ASZ1: variants seen among roughly 807,000 people sequenced by gnomAD.
ASZ1 encodes ankyrin repeat, SAM and basic leucine zipper domain containing 1.
ASZ1 carries 67 observed loss-of-function variants against 61.8 expected under a neutral mutation model. The ratio of observed to expected loss-of-function variants is 1.08; its 90% CI spans 0.89 to 1.33. ASZ1 has a LOEUF of 1.33. Ranked by LOEUF, ASZ1 falls within the 40% of genes most tolerant of loss-of-function variation. The pLI is 0.00. For missense variants in ASZ1, 577 were observed against 554.5 expected (o/e 1.04, Z -0.41); for synonymous variants, 193 against 192.7 (o/e 1.00, Z -0.01).
At chr7:117,380,069 G>A (rs750260417) in intron 9 of ASZ1, 22 bp from the exon 10 acceptor site, 2 of 1,449,784 alleles carry the variant, frequency 1.4e-6, no homozygotes, top group African/African-American at 2.8e-5. Context: ...TAATTTTAAG[G>A]TACAGTAAGT....
chr7:117,385,559 C>T, intron 5 of ASZ1, 139 bp downstream of exon 5: 1 of 711,542 alleles, frequency 1.4e-6, no homozygotes. Context: ...CCATACCCTT[C>T]TATTTCAACT....
At chr7:117,367,731 C>A (rs534381926) in intron 11 of ASZ1, 3 of 946,814 alleles carry the variant, frequency 3.2e-6, no homozygotes, top group South Asian at 1.0e-4. Context: ...ATGAACAAAT[C>A]AGTTCATGAA....
intron 4 of ASZ1, among the ~76,000 whole-genome samples, chr7:117,414,560 G>T (rs1796953079): frequency 6.6e-6 from 1 of 152,006 alleles, no homozygotes; most frequent in Non-Finnish European, 1.5e-5. Context: ...TGGTATACAC[G>T]TGCCATGGTG....
intron 4 of ASZ1, among the ~76,000 whole-genome samples, chr7:117,391,741 T>C (rs192286116): frequency 6.6e-6 from 1 of 152,278 alleles, no homozygotes; most frequent in Non-Finnish European, 1.5e-5. Context: ...TCAAGCTTTG[T>C]TCTTTTTGCT....
chr7:117,405,116 C>A (rs567220024), intron 4 of ASZ1, among the ~76,000 whole-genome samples: 7 of 152,116 alleles, frequency 4.6e-5, no homozygotes, highest in Non-Finnish European at 7.4e-5. Context: ...ATGGGAACCT[C>A]TATGGACTCA....
Position 117,383,071 on chromosome 7 carries a change from C to G in ASZ1, c.727G>C (p.Gly243Arg), listed in dbSNP as rs901683870. The G allele has an allele frequency of 1.3e-6, 2 of 1,578,322 alleles. No homozygotes were observed. The highest frequency in any genetic ancestry group is 2.7e-5 in the African/African-American group (2 of 72,980). Reference sequence around the variant, plus strand: ...TCTTTAGTTAGCTGTTGAAGTTTTCCTTCCAATGGATTTAAAGTAAAAGAA... The same window carrying G: ...TCTTTAGTTAGCTGTTGAAGTTTTCGTTCCAATGGATTTAAAGTAAAAGAA... ...LLSFTLNPLE[G>R]KLQQLTKEDT... is the part of the protein sequence containing the mutation. The change falls in exon 7 of 13, where the codon GGA becomes CGA. Residue 243 changes from glycine to arginine, a missense_variant. Physicochemically the swap from Gly to Arg is moderately radical, Grantham distance 125. Transcript: ENST00000284629.
At chr7:117,425,832 T>C (rs888932352) in intron 2 of ASZ1, among the ~76,000 whole-genome samples, 5 of 151,554 alleles carry the variant, frequency 3.3e-5, no homozygotes, top group African/African-American at 7.3e-5. Flanking sequence ...TCTACTAAAA[T>C]TACCAAAATT....
At chr7:117,419,818 T>C (rs983185727) in intron 4 of ASZ1, among the ~76,000 whole-genome samples, 1 of 152,208 alleles carries the variant, frequency 6.6e-6, no homozygotes, top group Non-Finnish European at 1.5e-5. Flanking sequence ...GTTTAGTTGT[T>C]AAATGTTATA....
intron 4 of ASZ1, among the ~76,000 whole-genome samples, chr7:117,391,840 T>G (rs1796476115): frequency 6.6e-6 from 1 of 152,164 alleles, no homozygotes; most frequent in Non-Finnish European, 1.5e-5. Context: ...GTTGCCAGGC[T>G]GGAGTGCAGT....
intron 4 of ASZ1, among the ~76,000 whole-genome samples, chr7:117,406,526 G>A (rs1796785158): frequency 6.6e-6 from 1 of 152,148 alleles, no homozygotes; most frequent in Admixed American, 6.5e-5. Flanking sequence ...GGCCAAGGCA[G>A]GCAGATCACC....
At chr7:117,397,018 ATAAT>A (rs1187558276) in intron 4 of ASZ1, among the ~76,000 whole-genome samples, 2 of 151,576 alleles carry the variant, frequency 1.3e-5, no homozygotes, top group Non-Finnish European at 2.9e-5. Context: ...ATGTATTAAA[ATAAT>A]TAAATTAATT....
In ASZ1 at chr7:117,368,648, C is replaced by A. The variant is rs762171269; in HGVS notation, c.1125G>T (p.Gln375His). The change falls in exon 11 of 13, where the codon CAG (glutamine) becomes CAT (histidine). Residue 375 changes from glutamine (Q) to histidine (H), a missense_variant. Gln to His is a conservative substitution (Grantham distance 24). Coordinates refer to ENST00000284629, the MANE Select transcript of ASZ1 (RefSeq NM_130768.3). ...KQCGHLITAV[Q>H]NVITELPVNS... ...TTACAGGTAACTCAGTAATAACATT[C>A]TGTACAGCTGTTATTAAATGGCCAC... The A allele has an allele frequency of 2.5e-6, 4 of 1,612,534 alleles. No individual in the cohort carries two copies. Among genetic ancestry groups the A allele is most frequent in the East Asian group, 2.2e-5 (1 of 44,678 alleles).
intron 4 of ASZ1, among the ~76,000 whole-genome samples, chr7:117,401,819 G>C (rs1239264147): frequency 1.3e-5 from 2 of 152,024 alleles, no homozygotes; most frequent in Non-Finnish European, 2.9e-5. Context: ...TCTTCGGGTT[G>C]GCCACTCCCG....
intron 4 of ASZ1, among the ~76,000 whole-genome samples, chr7:117,409,718 A>AT (rs1796856722): frequency 6.6e-6 from 1 of 151,906 alleles, no homozygotes; most frequent in Non-Finnish European, 1.5e-5. Context: ...TAAAACACTC[A>AT]TATGAAAACA....
intron 12 of ASZ1, 48 bp from the exon 13 acceptor site, chr7:117,363,796 T>C: frequency 7.4e-7 from 1 of 1,357,860 alleles, no homozygotes; most frequent in Admixed American, 2.7e-5. Context: ...GTACAATACA[T>C]TAATAAAACA....
intron 12 of ASZ1, among the ~76,000 whole-genome samples, chr7:117,366,325 TTAATAC>T (rs1795935508): frequency 6.6e-6 from 1 of 152,180 alleles, no homozygotes; most frequent in African/African-American, 2.4e-5. Context: ...TGACAATTTA[TTAATAC>T]TTGGAACATG....
chr7:117,401,572 T>C (rs1489414920), intron 4 of ASZ1, among the ~76,000 whole-genome samples: 4 of 152,036 alleles, frequency 2.6e-5, no homozygotes, highest in Admixed American at 6.6e-5. Flanking sequence ...AAATGAGACA[T>C]AGAGTTTACT....
chr7:117,367,263 C>T, intron 12 of ASZ1, 89 bp downstream of exon 12: 1 of 996,552 alleles, frequency 1.0e-6, no homozygotes, highest in Non-Finnish European at 1.3e-6. Flanking sequence ...CCATTTGTTG[C>T]TCTTACCAGA....
chr7:117,385,109 A>C (rs542699075), intron 5 of ASZ1, among the ~76,000 whole-genome samples: 3 of 152,292 alleles, frequency 2.0e-5, no homozygotes, highest in Admixed American at 6.5e-5. Flanking sequence ...TAAGGAATAA[A>C]ATGATTTATT....
Sources: allele counts gnomAD v4.1 joint callset (sites outside exome capture counted in the v4.1 genomes callset), GRCh38; gene constraint gnomAD v4.1.1; transcripts MANE v1.5; gene names NCBI Gene and HGNC (gene_info 2026-07-23, HGNC 2026-07-21).